The following GPBP1 variants were observed in gnomAD, a reference collection of about 807,000 sequenced individuals.
GPBP1 encodes the protein vasculin.
Under a neutral mutation model 56.5 loss-of-function variants are expected in GPBP1, and 13 were observed. The observed-to-expected ratio is 0.23, with a 90% CI of 0.15 to 0.37. The LOEUF is 0.37. GPBP1 is among the 10% of genes least tolerant of loss of function. The pLI, the probability that GPBP1 is intolerant of heterozygous loss-of-function variation, is 1.00. For synonymous variants in GPBP1, 204 were observed against 188.9 expected (o/e 1.08, Z -0.66); for missense variants, 477 against 572.3 (o/e 0.83, Z 1.70).
intron 2 of GPBP1, among the ~76,000 whole-genome samples, chr5:57,192,774 A>AT (rs1754583653): frequency 1.3e-5 from 2 of 149,534 alleles, no homozygotes; most frequent in African/African-American, 2.4e-5. Flanking sequence ...AAAAAAAAAA[A>AT]TTAGGAGTTA....
At chr5:57,203,227 GTATA>G (rs1371636778) in intron 2 of GPBP1, among the ~76,000 whole-genome samples, 1 of 152,084 alleles carries the variant, frequency 6.6e-6, no homozygotes, top group African/African-American at 2.4e-5. Context: ...CCATATTTAT[GTATA>G]TGTATGTATG....
rs1753758443 is a variant in GPBP1 at position 57,175,498 on chromosome 5, G to C, written c.-960G>C. 2.5e-6 allele frequency: 1 copy of C among 398,476 alleles called. No individual in the cohort carries two copies. The highest frequency in any genetic ancestry group is 4.4e-6 in the Non-Finnish European group (1 of 226,036). The allele number at this position is 398,476 out of a possible 1,614,324, so 24.7% of individuals were successfully genotyped here. On this transcript the variant is annotated 5_prime_UTR_variant, in exon 2 of 12. Transcript: ENST00000506184. ...ATCATCATCTAGGTTTTGTGTAAAAGGCCCTGGATATTTTAAGTGGCCATT... is the reference window on the plus strand; with the variant it reads ...ATCATCATCTAGGTTTTGTGTAAAACGCCCTGGATATTTTAAGTGGCCATT...
chr5:57,240,939 C>T (rs1282638264), intron 6 of GPBP1, among the ~76,000 whole-genome samples: 3 of 149,398 alleles, frequency 2.0e-5, no homozygotes, highest in Middle Eastern at 3.4e-3. Flanking sequence ...GCAACAAGAG[C>T]GAAACTCTGT....
At chr5:57,248,499 C>G (rs968392585) in intron 8 of GPBP1, among the ~76,000 whole-genome samples, 1 of 144,888 alleles carries the variant, frequency 6.9e-6, no homozygotes, top group African/African-American at 2.6e-5. Context: ...GGGATCTCGG[C>G]TCACTGCAAG....
At chr5:57,245,587 C>T (rs1046683004) in intron 6 of GPBP1, 5 of 152,160 alleles carry the variant, frequency 3.3e-5, no homozygotes, top group African/African-American at 1.2e-4. Context: ...ACTGCAATGT[C>T]TGTTTGATTA....
intron 2 of GPBP1, among the ~76,000 whole-genome samples, chr5:57,187,002 AAGTGT>A (rs1754316550): frequency 8.4e-6 from 1 of 119,266 alleles, no homozygotes; most frequent in Non-Finnish European, 1.8e-5. Context: ...GGACTCAGAG[AAGTGT>A]GTGTGTGTGT....
intron 3 of GPBP1, among the ~76,000 whole-genome samples, chr5:57,214,454 G>A (rs1302438907): frequency 1.3e-5 from 2 of 152,030 alleles, no homozygotes; most frequent in African/African-American, 2.4e-5. Context: ...GCGTGGTGGT[G>A]CATGCCTGTA....
At chr5:57,242,553 G>A (rs1194750914) in intron 6 of GPBP1, among the ~76,000 whole-genome samples, 1 of 152,048 alleles carries the variant, frequency 6.6e-6, no homozygotes, top group Admixed American at 6.5e-5. Context: ...GAGTGCAGTG[G>A]TGCGATCATG....
At position 57,196,393 on chromosome 5, in the gene GPBP1, G is replaced by C. The variant is rs575723556; in HGVS notation, c.-57-17681G>C. Among the ~76,000 whole-genome samples the C allele has an allele frequency of 2.0e-5, 3 of 152,196 alleles. No individual in the cohort carries two copies. In the South Asian group the frequency reaches 6.2e-4, roughly 32 times the overall value. The stretch of plus-strand genomic sequence containing the variant: ...TATGGAATTAATTTGTTATCAAATT[G>C]ATAGTAGAGAAATTTAATCTGGTGG... On this transcript the variant is annotated intron_variant, in intron 2 of 11. Transcript: ENST00000506184.
chr5:57,189,817 C>A (rs762962532), intron 2 of GPBP1, among the ~76,000 whole-genome samples: 1 of 152,134 alleles, frequency 6.6e-6, no homozygotes, highest in East Asian at 1.9e-4. Flanking sequence ...GGCCCATTGG[C>A]CTTCTTTCTC....
In GPBP1 at chr5:57,222,562, T is replaced by C. The variant is rs149763855; in HGVS notation, c.64-8284T>C. Among the ~76,000 whole-genome samples the C allele has an allele frequency of 2.0e-5, 3 of 152,350 alleles. No homozygotes were observed. The East Asian group carries it at 5.8e-4, about 29-fold the overall frequency. On this transcript the variant is annotated intron_variant, in intron 3 of 11. Transcript: ENST00000506184. ...AAGGATACCATCTCTAGTATCTTTC[T>C]ATAGTCAGTCATAGGAAATTCATCT...
chr5:57,178,213 C>T (rs1319628296), intron 2 of GPBP1, among the ~76,000 whole-genome samples: 1 of 152,130 alleles, frequency 6.6e-6, no homozygotes, highest in Non-Finnish European at 1.5e-5. Flanking sequence ...AACGATCATT[C>T]TTCTAGAAAA....
intron 2 of GPBP1, among the ~76,000 whole-genome samples, chr5:57,197,424 T>C (rs1021381032): frequency 6.9e-6 from 1 of 145,838 alleles, no homozygotes; most frequent in Non-Finnish European, 1.5e-5. Flanking sequence ...ATTGGTGCGA[T>C]CTTAGCTCAC....
At chr5:57,224,903 G>A (rs1756112832) in intron 3 of GPBP1, among the ~76,000 whole-genome samples, 1 of 151,258 alleles carries the variant, frequency 6.6e-6, no homozygotes, top group African/African-American at 2.4e-5. Flanking sequence ...CCATTTGCTT[G>A]AGTGAACTGC....
chr5:57,243,028 C>T (rs12153538), intron 6 of GPBP1, among the ~76,000 whole-genome samples: 86,349 of 151,450 alleles, frequency 0.57, 24,791 homozygotes, highest in East Asian at 0.84. Flanking sequence ...GGATTACAGG[C>T]GTGAGCCACT....
At chr5:57,246,606 G>A in intron 7 of GPBP1, 122 bp downstream of exon 7, 2 of 687,506 alleles carry the variant, frequency 2.9e-6, no homozygotes, top group East Asian at 2.7e-5. Flanking sequence ...TGAGTTCTAG[G>A]TGGCAAGAGT....
intron 5 of GPBP1, among the ~76,000 whole-genome samples, chr5:57,233,935 CTGT>C (rs1756563263): frequency 1.3e-5 from 2 of 152,088 alleles, no homozygotes; most frequent in African/African-American, 2.4e-5. Flanking sequence ...AAACTAATTG[CTGT>C]TGTTATTTTC....
intron 2 of GPBP1, among the ~76,000 whole-genome samples, chr5:57,206,817 T>C (rs6887248): frequency 0.21 from 31,790 of 152,126 alleles, 4,048 homozygotes; most frequent in Middle Eastern, 0.3. Context: ...GTGGGCTTAT[T>C]TCTGGTTTAT....
chr5:57,236,085 G>A lies in GPBP1; in HGVS notation c.478+53G>A, dbSNP rs538460544. 10 of 1,192,316 alleles carry A rather than the reference G, an allele frequency of 8.4e-6. No individual in the cohort carries two copies. The Admixed American group carries it at 1.8e-4, about 21-fold the overall frequency. 73.9% of individuals were successfully genotyped at this position (1,192,316 alleles called of 1,614,324 possible). On this transcript the variant is annotated intron_variant, in intron 6 of 11. Transcript: ENST00000506184. ...GGGCACAAAATGTTGATATTTATAG[G>A]TTTCACTTTTTGTGTTTTTTAAAAT...
Sources: allele counts gnomAD v4.1 joint callset (sites outside exome capture counted in the v4.1 genomes callset), GRCh38; gene constraint gnomAD v4.1.1; transcripts MANE v1.5; gene names NCBI Gene and HGNC (gene_info 2026-07-23, HGNC 2026-07-21).